The following ZNF469 variants were observed in gnomAD, a reference collection of about 807,000 sequenced individuals.
The protein encoded by ZNF469 is zinc finger protein 469.
In ZNF469, 1 loss-of-function variant was observed where a neutral mutation model predicts 1.0. The ratio of observed to expected loss-of-function variants is 1.00; its 90% CI spans 0.35 to 4.73. The LOEUF (loss-of-function observed/expected upper bound fraction) is 4.73, where lower values mean the gene tolerates loss of function less well. Among genes scored for constraint, ZNF469 ranks in the 30% most tolerant of loss-of-function variants. ZNF469 has a pLI of 0.16. For missense variants in ZNF469, 6,100 were observed against 5,356.3 expected (o/e 1.14, Z -4.33); for synonymous variants, 2,703 against 2,363.4 (o/e 1.14, Z -4.17).
At chr16:88,247,111 TTGAATGAGTGAG>T in the ZNF469 span, among the ~76,000 whole-genome samples, 9 of 144,068 alleles carry the variant, frequency 6.2e-5, no homozygotes, top group African/African-American at 2.4e-4. Flanking sequence ...GAGTGAATGA[TTGAATGAGTGAG>T]TGAATGAGTG....
the ZNF469 span, among the ~76,000 whole-genome samples, chr16:88,339,060 C>A: frequency 6.6e-6 from 1 of 151,112 alleles, no homozygotes; most frequent in East Asian, 2.0e-4. Context: ...GCTGCTGCGT[C>A]CTGGAGGGGG....
chr16:88,398,206 C>T (rs1904745183), intron 1 of ZNF469, among the ~76,000 whole-genome samples: 1 of 152,290 alleles, frequency 6.6e-6, no homozygotes, highest in East Asian at 1.9e-4. Context: ...GTGCTCCCTC[C>T]ACCACCCTCC....
At chr16:88,246,867 ATGAGTGAGTGAATGAATGAG>A in the ZNF469 span, among the ~76,000 whole-genome samples, 2 of 151,222 alleles carry the variant, frequency 1.3e-5, no homozygotes, top group African/African-American at 4.9e-5. Context: ...GAGCAAGTGA[ATGAGTGAGTGAATGAATGAG>A]TGAGTGAATG....
Position 88,438,325 on chromosome 16 carries a change from G to A in ZNF469, c.10855G>A (p.Val3619Met), listed in dbSNP as rs111494864. Reference sequence around the variant, plus strand: ...TGCGGAGGGAAAGAGGGCTCCTCTCGTGTTCTCAGGGAAACGCAGGGCCCC... The same window carrying A: ...TGCGGAGGGAAAGAGGGCTCCTCTCATGTTCTCAGGGAAACGCAGGGCCCC... ...QDAEGKRAPL[V>M]FSGKRRAPGA... Residue 3619 changes from valine to methionine, a missense_variant, in exon 3 of 3, where the codon GTG (valine) becomes ATG (methionine). Transcript: ENST00000565624. The A allele has an allele frequency of 9.2e-4, 1,432 of 1,550,196 alleles. 11 individuals carry two copies. The African/African-American group carries it at 0.017, about 18-fold the overall frequency.
At chr16:88,130,477 G>A in the ZNF469 span, among the ~76,000 whole-genome samples, 6 of 152,040 alleles carry the variant, frequency 3.9e-5, no homozygotes, top group South Asian at 2.1e-4. Context: ...AGGCCGAGGC[G>A]GGCGGATCAC....
In ZNF469 at chr16:88,437,731, A is replaced by G; in HGVS notation, c.10261A>G (p.Ser3421Gly). Residue 3421 changes from serine to glycine, a missense_variant, in exon 3 of 3, where the codon AGC becomes GGC. Coordinates refer to ENST00000565624, the MANE Select transcript of ZNF469 (RefSeq NM_001367624.2). ...CATCATCAAGAAGTCCTTCGCCTGC[A>G]GCTCCTGCAACTACACCTTCGCCAA... is the stretch of plus-strand genomic sequence containing the variant. ...MRIIKKSFAC[S>G]SCNYTFAKKE... 1.3e-6 allele frequency: 2 copies of G among 1,549,826 alleles called. No homozygotes were observed. Among genetic ancestry groups the G allele is most frequent in the Non-Finnish European group, 8.7e-7 (1 of 1,146,622 alleles).
the ZNF469 span, among the ~76,000 whole-genome samples, chr16:88,181,941 A>C: frequency 0.69 from 104,230 of 152,036 alleles, 37,151 homozygotes; most frequent in Non-Finnish European, 0.8. Context: ...AAGACATAAA[A>C]TTGCCTTTAT....
At chr16:88,277,350 G>A in the ZNF469 span, among the ~76,000 whole-genome samples, 3 of 148,326 alleles carry the variant, frequency 2.0e-5, no homozygotes, top group South Asian at 2.1e-4. Context: ...CTGACGCTCA[G>A]TCAGTACCGT....
chr16:88,151,451 C>A, the ZNF469 span, among the ~76,000 whole-genome samples: 2 of 152,350 alleles, frequency 1.3e-5, no homozygotes, highest in African/African-American at 4.8e-5. This position sits in a 1 kb window ranked among gnomAD's most constrained non-coding sequence, Gnocchi z 5.4. Flanking sequence ...CGCAGACTCT[C>A]CCTGCTTCCA....
the ZNF469 span, among the ~76,000 whole-genome samples, chr16:88,174,754 GC>G: frequency 6.6e-6 from 1 of 150,524 alleles, no homozygotes; most frequent in South Asian, 2.1e-4. Flanking sequence ...TTTTTCTCTA[GC>G]TTTATTGTAA....
At chr16:88,141,576 C>T in the ZNF469 span, among the ~76,000 whole-genome samples, 1 of 91,174 alleles carries the variant, frequency 1.1e-5, no homozygotes, top group Non-Finnish European at 2.2e-5. Flanking sequence ...CACCCCCGTC[C>T]TGGTCCCCGG....
intron 1 of ZNF469, among the ~76,000 whole-genome samples, chr16:88,390,482 T>C (rs1486035383): frequency 6.6e-6 from 1 of 152,210 alleles, no homozygotes; most frequent in Non-Finnish European, 1.5e-5. Context: ...CCGCTCTGCC[T>C]GGGAACCCCC....
In ZNF469 at chr16:88,432,397, G is replaced by T; in HGVS notation, c.4927G>T (p.Ala1643Ser). 6.5e-7 allele frequency: 1 copy of T among 1,549,636 alleles called. No homozygotes were observed. Among genetic ancestry groups the T allele is most frequent in the Non-Finnish European group, 8.7e-7 (1 of 1,146,850 alleles). Residue 1643 changes from alanine (A) to serine (S), a missense_variant, in exon 3 of 3, where the codon GCT becomes TCT. By Grantham distance (99) the Ala-to-Ser change is moderately conservative. Transcript: ENST00000565624. ...STAHREGAES[A>S]VATVEAVQGR... ...TGCACATCGGGAGGGTGCGGAATCG[G>T]CTGTGGCCACCGTGGAAGCGGTTCA...
chr16:88,298,561 G>A, the ZNF469 span, among the ~76,000 whole-genome samples: 4 of 152,310 alleles, frequency 2.6e-5, no homozygotes, highest in East Asian at 1.9e-4. Context: ...CTCCTGAGGC[G>A]TGGAGAGGAC....
the ZNF469 span, among the ~76,000 whole-genome samples, chr16:88,163,692 GGA>G: frequency 6.6e-6 from 1 of 151,460 alleles, no homozygotes; most frequent in Non-Finnish European, 1.5e-5. Context: ...ATGGGTGGGT[GGA>G]TGTATGATGG....
the ZNF469 span, among the ~76,000 whole-genome samples, chr16:88,301,116 C>T: frequency 6.1e-4 from 92 of 151,808 alleles, no homozygotes; most frequent in African/African-American, 2.0e-3. Context: ...GTGCTTTGTA[C>T]GTGAGAGGAT....
chr16:88,430,906 G>A lies in ZNF469; in HGVS notation c.3436G>A (p.Ala1146Thr), dbSNP rs1906122119. ...QKPRKAARQE[A>T]GGDGAPANPE... ...ACCCCGGAAGGCGGCGAGGCAGGAA[G>A]CCGGCGGGGACGGAGCCCCCGCGAA... Residue 1146 changes from alanine (A) to threonine (T), a missense_variant, in exon 3 of 3, where the codon GCC (alanine) becomes ACC (threonine). Physicochemically the swap from Ala to Thr is moderately conservative, Grantham distance 58. Coordinates refer to ENST00000565624, the MANE Select transcript of ZNF469 (RefSeq NM_001367624.2). 2 of 1,537,550 alleles carry A rather than the reference G, an allele frequency of 1.3e-6. No homozygotes were observed. The highest frequency in any genetic ancestry group is 1.7e-6 in the Non-Finnish European group (2 of 1,145,922).
chr16:88,416,423 C>T (rs974032104), intron 1 of ZNF469, among the ~76,000 whole-genome samples: 3 of 152,202 alleles, frequency 2.0e-5, no homozygotes, highest in Non-Finnish European at 4.4e-5. Flanking sequence ...AGACGACACC[C>T]AGGCCTCCCG....
the ZNF469 span, among the ~76,000 whole-genome samples, chr16:88,132,633 T>G: frequency 6.6e-6 from 1 of 152,168 alleles, no homozygotes; most frequent in Admixed American, 6.5e-5. Context: ...TCACATTCTT[T>G]CCTGTGCTCT....
Sources: allele counts gnomAD v4.1 joint callset (sites outside exome capture counted in the v4.1 genomes callset), GRCh38; gene constraint gnomAD v4.1.1; non-coding constraint Gnocchi (gnomAD v3.1); transcripts MANE v1.5; gene names NCBI Gene and HGNC (gene_info 2026-07-23, HGNC 2026-07-21).